Variants in MYO5B observed in about 807,000 individuals in gnomAD.
MYO5B encodes the protein unconventional myosin-Vb.
A neutral mutation model predicts 229.3 loss-of-function variants in MYO5B; 143 were observed. The ratio of observed to expected loss-of-function variants is 0.62; its 90% CI spans 0.54 to 0.72. The LOEUF is 0.72. MYO5B is among the 30% of genes least tolerant of loss of function. MYO5B has a pLI of 0.00. For missense variants in MYO5B, 2,321 were observed against 2,331.0 expected (o/e 1.00, Z 0.09); for synonymous variants, 918 against 885.2 (o/e 1.04, Z -0.66).
intron 16 of MYO5B, among the ~76,000 whole-genome samples, chr18:49,930,791 C>A (rs1345609582): frequency 4.6e-5 from 7 of 151,552 alleles, no homozygotes; most frequent in Non-Finnish European, 1.5e-5. Flanking sequence ...ACTCGGGAGG[C>A]TGAGGCAGAA....
chr18:49,991,950 T>C (rs1438676532), intron 6 of MYO5B, among the ~76,000 whole-genome samples: 2 of 152,222 alleles, frequency 1.3e-5, no homozygotes, highest in Non-Finnish European at 2.9e-5. Flanking sequence ...ACTCCGTATT[T>C]ATGACATTCC....
At position 50,172,117 on chromosome 18, in the gene MYO5B, C is replaced by A. The variant is rs1050034115; in HGVS notation, c.27+22650G>T. Among the ~76,000 whole-genome samples the A allele has an allele frequency of 5.3e-5, 8 of 151,906 alleles. No individual in the cohort carries two copies. In the East Asian group the frequency reaches 1.5e-3, roughly 29 times the overall value. On this transcript the variant is annotated intron_variant, in intron 1 of 39. Transcript: ENST00000285039. ...ACAACAAGGCAAGACCCCATCTCTA[C>A]AAAAACTTTAAAAATTAGCCAGGCA...
Position 49,837,783 on chromosome 18 carries a change from A to G in MYO5B, c.4872T>C (p.Asn1624=), listed in dbSNP as rs777173387. 1.2e-5 allele frequency: 20 copies of G among 1,614,034 alleles called. No homozygotes were observed. The highest frequency in any genetic ancestry group is 2.7e-5 in the African/African-American group (2 of 74,936). The change falls in exon 37 of 40, where the codon AAT becomes AAC. Residue 1624 remains asparagine (N), a synonymous_variant. Transcript: ENST00000285039. ...QPMIVSAMLE[N]ESIQGLSGVK... is the part of the protein sequence containing the mutation. ...CACCAGATAGACCCTGAATGCTCTC[A>G]TTTTCCAACATGGCAGAAACTGAAA...
At chr18:50,062,765 T>C (rs1211483811) in intron 1 of MYO5B, among the ~76,000 whole-genome samples, 1 of 152,126 alleles carries the variant, frequency 6.6e-6, no homozygotes, top group Non-Finnish European at 1.5e-5. Context: ...TCAAGAACAT[T>C]CCCATTGGTG....
chr18:50,072,215 A>G (rs1024344032), intron 1 of MYO5B, among the ~76,000 whole-genome samples: 1 of 151,956 alleles, frequency 6.6e-6, no homozygotes, highest in Admixed American at 6.6e-5. Flanking sequence ...TGCAACTTAC[A>G]TAACCAGGAA....
chr18:50,065,248 T>C (rs1411599636), intron 1 of MYO5B, among the ~76,000 whole-genome samples: 1 of 152,204 alleles, frequency 6.6e-6, no homozygotes, highest in Non-Finnish European at 1.5e-5. Flanking sequence ...AAGTATTTAC[T>C]GAAGACCTCT....
At chr18:49,851,903 C>G (rs2024205305) in intron 31 of MYO5B, among the ~76,000 whole-genome samples, 2 of 152,334 alleles carry the variant, frequency 1.3e-5, no homozygotes, top group East Asian at 1.9e-4. Context: ...GCAGCTGGCT[C>G]TCCTTAGGGG....
intron 14 of MYO5B, among the ~76,000 whole-genome samples, chr18:49,947,424 T>C (rs1598903978): frequency 6.6e-6 from 1 of 152,338 alleles, no homozygotes; most frequent in Non-Finnish European, 1.5e-5. Flanking sequence ...AAGCTCTTAC[T>C]TGACAAAGGA....
chr18:50,023,699 A>T (rs2026301036), intron 4 of MYO5B, among the ~76,000 whole-genome samples: 1 of 152,206 alleles, frequency 6.6e-6, no homozygotes, highest in African/African-American at 2.4e-5. Context: ...CCATTCCCAG[A>T]ATAGTCTGTT....
At chr18:49,954,240 T>C (rs2025465939) in intron 13 of MYO5B, 73 bp downstream of exon 13, 2 of 1,595,212 alleles carry the variant, frequency 1.3e-6, no homozygotes, top group Non-Finnish European at 1.7e-6. Flanking sequence ...GATTTCTCTC[T>C]AGGTCTAGAG....
chr18:50,047,675 G>A (rs536065595), intron 2 of MYO5B, among the ~76,000 whole-genome samples: 1 of 152,154 alleles, frequency 6.6e-6, no homozygotes, highest in South Asian at 2.1e-4. Flanking sequence ...CAATAGCAAA[G>A]ACTTGGAACC....
At chr18:49,938,124 T>TA (rs2025271499) in intron 14 of MYO5B, among the ~76,000 whole-genome samples, 1 of 152,220 alleles carries the variant, frequency 6.6e-6, no homozygotes, top group African/African-American at 2.4e-5. Flanking sequence ...GGCTATGCTT[T>TA]AATACACCTA....
intron 4 of MYO5B, among the ~76,000 whole-genome samples, chr18:50,009,796 G>C (rs1286307727): frequency 6.6e-6 from 1 of 152,216 alleles, no homozygotes; most frequent in Admixed American, 6.5e-5. Flanking sequence ...CCAAGCAAGA[G>C]AGTCTACAAA....
chr18:49,985,067 C>T (rs894841023), intron 7 of MYO5B, among the ~76,000 whole-genome samples: 23 of 152,116 alleles, frequency 1.5e-4, no homozygotes, highest in African/African-American at 4.8e-4. Flanking sequence ...AAAACTGGCA[C>T]GGGAAACATA....
At chr18:49,923,476 T>C (rs2025097064) in intron 17 of MYO5B, among the ~76,000 whole-genome samples, 1 of 152,040 alleles carries the variant, frequency 6.6e-6, no homozygotes, top group East Asian at 1.9e-4. Flanking sequence ...CAAAATCCTC[T>C]CCCCACTGGC....
chr18:50,095,947 T>C (rs2031542002), intron 1 of MYO5B, among the ~76,000 whole-genome samples: 1 of 152,214 alleles, frequency 6.6e-6, no homozygotes, highest in Admixed American at 6.5e-5. Flanking sequence ...TGTGAGTCGG[T>C]CCCAAGTTTG....
chr18:49,888,664 ACTC>A (rs1283098127), intron 22 of MYO5B, among the ~76,000 whole-genome samples: 1 of 151,756 alleles, frequency 6.6e-6, no homozygotes, highest in African/African-American at 2.4e-5. Context: ...GAAACACTGA[ACTC>A]CTCTTATTCT....
chr18:50,038,244 T>G (rs1425432905), intron 3 of MYO5B, among the ~76,000 whole-genome samples: 5 of 152,184 alleles, frequency 3.3e-5, no homozygotes, highest in Non-Finnish European at 2.9e-5. Flanking sequence ...CAGAAGCCTT[T>G]CCAGTCACTT....
intron 1 of MYO5B, chr18:50,097,167 T>C: frequency 2.2e-6 from 1 of 450,102 alleles, no homozygotes; most frequent in Non-Finnish European, 4.5e-6. Flanking sequence ...TGCTGGTGTC[T>C]TCCCTGACTT....
Sources: gnomAD v4.1 joint callset for allele counts (sites outside exome capture counted in the v4.1 genomes callset) on GRCh38, gnomAD v4.1.1 for gene constraint, MANE v1.5 for transcripts, NCBI Gene and HGNC (gene_info 2026-07-23, HGNC 2026-07-21) for gene names.